The following JAM3 variants were observed in gnomAD, a reference collection of about 807,000 sequenced individuals.
JAM3 encodes junctional adhesion molecule C.
A neutral mutation model predicts 39.4 loss-of-function variants in JAM3; 31 were observed. That is an observed-to-expected ratio of 0.79 (90% CI 0.59 to 1.06). JAM3 has a LOEUF of 1.06. Among genes scored for constraint, JAM3 ranks in the 50% least tolerant of loss-of-function variants. JAM3 has a pLI of 0.00. For missense variants in JAM3, 455 were observed against 391.4 expected, an observed-to-expected ratio of 1.16 and a Z score of -1.37; for synonymous variants, 182 against 148.7, an observed-to-expected ratio of 1.22 and a Z score of -1.63.
intron 1 of JAM3, among the ~76,000 whole-genome samples, chr11:134,136,027 A>G (rs1273462898): frequency 6.6e-6 from 1 of 152,062 alleles, no homozygotes; most frequent in Non-Finnish European, 1.5e-5. Flanking sequence ...CTGAGATCAC[A>G]CCATTGCACT....
chr11:134,148,457 G>C, intron 6 of JAM3, 90 bp from the exon 7 acceptor site: 5 of 1,576,024 alleles, frequency 3.2e-6, no homozygotes, highest in South Asian at 1.1e-5. Flanking sequence ...AGTGGGTTTG[G>C]GGTGAAGGAA....
At chr11:134,136,929 C>T (rs978526883) in intron 1 of JAM3, among the ~76,000 whole-genome samples, 2 of 152,132 alleles carry the variant, frequency 1.3e-5, no homozygotes, top group South Asian at 2.1e-4. Context: ...CTGGCTAACA[C>T]GGTGAAACCC....
chr11:134,090,410 G>T (rs561612999), intron 1 of JAM3, among the ~76,000 whole-genome samples: 1 of 151,932 alleles, frequency 6.6e-6, no homozygotes, highest in African/African-American at 2.4e-5. Context: ...TATTGCCTAG[G>T]TTTTCTTCTA....
In JAM3 at chr11:134,151,529, G is replaced by A. The variant is rs902049660; in HGVS notation, c.*2348G>A. 8 of 152,228 alleles carry A rather than the reference G, an allele frequency of 5.3e-5. No homozygotes were observed. The highest frequency in any genetic ancestry group is 2.6e-4 in the Admixed American group (4 of 15,286). The allele number at this position is 152,228 out of a possible 1,614,324, so 9.4% of individuals were successfully genotyped here. A position where few individuals can be genotyped will look rare whatever the true frequency, so the allele number is the denominator to read the frequency against. On this transcript the variant is annotated 3_prime_UTR_variant, in exon 9 of 9. Transcript: ENST00000299106. ...ACCAGGTCTGAAAAAGTAGAGAGAA[G>A]TGAAAGTAGAGTCTGGGAAGTAGCT...
intron 1 of JAM3, among the ~76,000 whole-genome samples, chr11:134,073,256 G>A (rs1343196174): frequency 2.0e-5 from 3 of 152,112 alleles, no homozygotes; most frequent in Non-Finnish European, 4.4e-5. Context: ...GTTTCTTTTG[G>A]TTTTAAGTAG....
At chr11:134,109,791 C>A (rs1942275833) in intron 1 of JAM3, among the ~76,000 whole-genome samples, 1 of 152,100 alleles carries the variant, frequency 6.6e-6, no homozygotes, top group Admixed American at 6.6e-5. Context: ...TCATATTGTG[C>A]CCAGTAAATA....
chr11:134,086,563 G>A (rs621698), intron 1 of JAM3, among the ~76,000 whole-genome samples: 2 of 151,970 alleles, frequency 1.3e-5, no homozygotes, highest in Non-Finnish European at 2.9e-5. Flanking sequence ...CCTGAACTAG[G>A]AAACTTTGAA....
chr11:134,078,076 C>T (rs1033809300), intron 1 of JAM3, among the ~76,000 whole-genome samples: 2 of 152,064 alleles, frequency 1.3e-5, no homozygotes, highest in African/African-American at 4.8e-5. Context: ...CTCTTGCCTA[C>T]CTTTCTGCTG....
intron 1 of JAM3, among the ~76,000 whole-genome samples, chr11:134,123,258 A>C (rs972858297): frequency 1.3e-5 from 2 of 152,200 alleles, no homozygotes; most frequent in Non-Finnish European, 2.9e-5. Flanking sequence ...GGTGGGCTTA[A>C]GGCTGCCAGA....
Position 134,096,667 on chromosome 11 carries a change from C to A in JAM3, c.76+27508C>A, listed in dbSNP as rs1165900843. Among the ~76,000 whole-genome samples the A allele has an allele frequency of 2.6e-5, 4 of 152,208 alleles. No homozygotes were observed. The East Asian group carries it at 7.7e-4, about 29-fold the overall frequency. ...AAAAGCTAGTTCTGCATTTTCCCTT[C>A]CTGCAAGCAAGGAATGGTTTTCTTT... On this transcript the variant is annotated intron_variant, in intron 1 of 8. Transcript: ENST00000299106.
chr11:134,113,357 G>A (rs1372206336), intron 1 of JAM3, among the ~76,000 whole-genome samples: 5 of 151,906 alleles, frequency 3.3e-5, no homozygotes, highest in Admixed American at 6.6e-5. Flanking sequence ...CCTACCCCAC[G>A]ACAGGCCCTG....
intron 1 of JAM3, among the ~76,000 whole-genome samples, chr11:134,117,272 G>A (rs1236636222): frequency 6.6e-6 from 1 of 152,150 alleles, no homozygotes; most frequent in African/African-American, 2.4e-5. Context: ...AGCTACTCAG[G>A]AGGCTGAGGC....
intron 6 of JAM3, chr11:134,148,024 T>C (rs960560974): frequency 1.6e-5 from 3 of 191,376 alleles, no homozygotes; most frequent in African/African-American, 7.1e-5. Context: ...AGAGGGCTTA[T>C]AGATCGGAGG....
Position 134,103,958 on chromosome 11 carries a change from A to G in JAM3, c.76+34799A>G, listed in dbSNP as rs577079705. 2.6e-5 allele frequency among the ~76,000 whole-genome samples: 4 copies of G among 152,156 alleles called. No individual in the cohort carries two copies. The South Asian group carries it at 6.2e-4, about 24-fold the overall frequency. ...CAACATTAGACAGATCAACGAGACA[A>G]AGTTAACAAGGATATCCAGGAATTG... On this transcript the variant is annotated intron_variant, in intron 1 of 8. Transcript: ENST00000299106.
At chr11:134,139,773 G>A (rs1289542146) in intron 1 of JAM3, 78 bp from the exon 2 acceptor site, 5 of 1,123,230 alleles carry the variant, frequency 4.5e-6, no homozygotes, top group Non-Finnish European at 6.8e-6. Flanking sequence ...ACGCAGACGG[G>A]AAAACCTGAC....
intron 3 of JAM3, 49 bp from the exon 4 acceptor site, chr11:134,144,192 C>A: frequency 6.2e-7 from 1 of 1,610,690 alleles, no homozygotes; most frequent in Non-Finnish European, 8.5e-7. Context: ...CTTCAAGTGG[C>A]AAAGATTTCT....
intron 1 of JAM3, among the ~76,000 whole-genome samples, chr11:134,137,159 C>G (rs1942881916): frequency 6.6e-6 from 1 of 151,410 alleles, no homozygotes; most frequent in African/African-American, 2.4e-5. Flanking sequence ...CATTTCTTTG[C>G]CATAATGCAG....
chr11:134,150,332 C>T lies in JAM3; in HGVS notation c.*1151C>T, dbSNP rs903964354. Reference sequence around the variant, plus strand: ...CTGAGATGACTAGGACAGTCTGTACCCAGAGGCCACCCAGAAGCCCTCAGA... The same window carrying T: ...CTGAGATGACTAGGACAGTCTGTACTCAGAGGCCACCCAGAAGCCCTCAGA... On this transcript the variant is annotated 3_prime_UTR_variant, in exon 9 of 9. Coordinates refer to ENST00000299106, the MANE Select transcript of JAM3 (RefSeq NM_032801.5). 2.6e-5 allele frequency: 4 copies of T among 152,270 alleles called. No individual in the cohort carries two copies. Among genetic ancestry groups the T allele is most frequent in the African/African-American group, 9.7e-5 (4 of 41,384 alleles). The allele number at this position is 152,270 out of a possible 1,614,324, so 9.4% of individuals were successfully genotyped here.
intron 1 of JAM3, among the ~76,000 whole-genome samples, chr11:134,108,200 A>G (rs1393671006): frequency 1.3e-5 from 2 of 152,074 alleles, no homozygotes; most frequent in African/African-American, 4.8e-5. Context: ...GATCAAATAA[A>G]TTTCTTGAAA....
Sources: gnomAD v4.1 joint callset for allele counts (sites outside exome capture counted in the v4.1 genomes callset) on GRCh38, gnomAD v4.1.1 for gene constraint, MANE v1.5 for transcripts, NCBI Gene and HGNC (gene_info 2026-07-23, HGNC 2026-07-21) for gene names.